IL20RB: variants seen among roughly 807,000 people sequenced by gnomAD.
IL20RB encodes the protein interleukin-20 receptor subunit beta.
Under a neutral mutation model 33.3 loss-of-function variants are expected in IL20RB, and 21 were observed. That is an observed-to-expected ratio of 0.63 (90% confidence interval 0.45 to 0.91). The LOEUF is 0.91. Among genes scored for constraint, IL20RB ranks in the 40% least tolerant of loss-of-function variants. IL20RB has a pLI of 0.00. For synonymous variants in IL20RB, 147 were observed against 146.8 expected (o/e 1.00, Z -0.01); for missense variants, 345 against 384.8 (o/e 0.90, Z 0.86).
In IL20RB at chr3:137,009,404, A is replaced by T. The variant is rs188931292; in HGVS notation, c.826-709A>T. The stretch of plus-strand genomic sequence containing the variant: ...CTGAAAGAAGATGGCGGGAACCTGA[A>T]ATATGAGCAAGGAAGGGACTCCCAT... On this transcript the variant is annotated intron_variant, in intron 6 of 6. Transcript: ENST00000329582. Among the ~76,000 whole-genome samples the T allele has an allele frequency of 1.2e-4, 19 of 152,314 alleles. 1 individual carries two copies. The East Asian group carries it at 3.5e-3, about 28-fold the overall frequency.
chr3:137,007,399 G>A (rs1168190005), intron 6 of IL20RB, among the ~76,000 whole-genome samples: 2 of 152,222 alleles, frequency 1.3e-5, no homozygotes, highest in African/African-American at 2.4e-5. Context: ...CCATAGAGGT[G>A]GAGTCTAGAG....
intron 5 of IL20RB, 71 bp from the exon 6 acceptor site, chr3:136,995,343 G>C (rs775153277): frequency 2.6e-5 from 41 of 1,562,876 alleles, no homozygotes; most frequent in Non-Finnish European, 3.2e-5. Context: ...CAGGAAACCG[G>C]GGGAGGCTCA....
chr3:136,986,537 T>C (rs1271998757), intron 3 of IL20RB, among the ~76,000 whole-genome samples: 1 of 152,206 alleles, frequency 6.6e-6, no homozygotes, highest in Non-Finnish European at 1.5e-5. Flanking sequence ...TATGTGGTCA[T>C]ATGAACCTCA....
chr3:137,009,254 G>T (rs1341251785), intron 6 of IL20RB, among the ~76,000 whole-genome samples: 1 of 152,240 alleles, frequency 6.6e-6, no homozygotes. Flanking sequence ...AGGGCCGAGA[G>T]AGATAACTGT....
intron 1 of IL20RB, among the ~76,000 whole-genome samples, chr3:136,976,265 G>T (rs768426626): frequency 4.6e-5 from 7 of 152,318 alleles, no homozygotes; most frequent in Admixed American, 1.3e-4. Flanking sequence ...TTCAATGGTG[G>T]GAGCAGGCAG....
At chr3:136,990,276 C>A (rs1490424588) in intron 4 of IL20RB, among the ~76,000 whole-genome samples, 1 of 152,088 alleles carries the variant, frequency 6.6e-6, no homozygotes, top group Non-Finnish European at 1.5e-5. Context: ...CCAGGCAGCA[C>A]AAGCAAAGAT....
At chr3:137,004,082 T>A (rs1577034484) in intron 6 of IL20RB, among the ~76,000 whole-genome samples, 1 of 152,238 alleles carries the variant, frequency 6.6e-6, no homozygotes, top group East Asian at 1.9e-4. Context: ...TTGTGTATGT[T>A]GAATCAGCCT....
At chr3:136,980,380 G>C (rs1221560435) in intron 1 of IL20RB, 86 bp from the exon 2 acceptor site, 1 of 1,540,968 alleles carries the variant, frequency 6.5e-7, no homozygotes, top group Non-Finnish European at 9.0e-7. Flanking sequence ...CCGCCAGTGA[G>C]GCCCTTCATT....
chr3:136,988,775 G>A lies in IL20RB; in HGVS notation c.407-666G>A, dbSNP rs948234259. On this transcript the variant is annotated intron_variant, in intron 3 of 6. Coordinates refer to ENST00000329582, the MANE Select transcript of IL20RB (RefSeq NM_144717.4). ...AAAAGAAACAAGAAAAAAAAAAGCC[G>A]GTGACTTGCCAGCTGAGAACTGGGC... Among the ~76,000 whole-genome samples, 4 of 151,990 alleles carry A rather than the reference G, an allele frequency of 2.6e-5. No individual in the cohort carries two copies. The East Asian group carries it at 5.8e-4, about 22-fold the overall frequency.
chr3:136,980,374 C>A, intron 1 of IL20RB, 92 bp from the exon 2 acceptor site: 1 of 1,506,460 alleles, frequency 6.6e-7, no homozygotes. Context: ...CAACCTCCGC[C>A]AGTGAGGCCC....
chr3:137,009,976 G>A (rs1933042586), intron 6 of IL20RB, 137 bp from the exon 7 acceptor site: 1 of 597,032 alleles, frequency 1.7e-6, no homozygotes, highest in Non-Finnish European at 3.0e-6. Context: ...CCCTGATCTA[G>A]GGCTTGAAAT....
At position 136,982,640 on chromosome 3, in the gene IL20RB, G is replaced by A. The variant is rs564502122; in HGVS notation, c.406+290G>A. On this transcript the variant is annotated intron_variant, in intron 3 of 6. Coordinates refer to ENST00000329582, the MANE Select transcript of IL20RB (RefSeq NM_144717.4). ...ACCTGGAAGGAAAGCTGCTCTGGAA[G>A]TGAAGAGGTGGCACCAGGACTGCTG... Among the ~76,000 whole-genome samples the A allele has an allele frequency of 1.2e-4, 18 of 152,314 alleles. No individual in the cohort carries two copies. In the South Asian group the frequency reaches 3.7e-3, roughly 32 times the overall value.
chr3:136,993,885 C>T (rs1399198465), intron 5 of IL20RB, among the ~76,000 whole-genome samples: 3 of 151,786 alleles, frequency 2.0e-5, no homozygotes, highest in South Asian at 2.1e-4. Context: ...TGGTGGTGCA[C>T]GTCTGTAATC....
Position 136,981,427 on chromosome 3 carries a change from G to A in IL20RB, c.216-733G>A, listed in dbSNP as rs1466514603. Reference sequence around the variant, plus strand: ...ATCACAGAAAGTTTATTTTTGGAAAGCACTGCTCTAGGGAATTTTGGATAG... The same window carrying A: ...ATCACAGAAAGTTTATTTTTGGAAAACACTGCTCTAGGGAATTTTGGATAG... On this transcript the variant is annotated intron_variant, in intron 2 of 6. Transcript: ENST00000329582. 2.6e-5 allele frequency among the ~76,000 whole-genome samples: 4 copies of A among 152,274 alleles called. No homozygotes were observed. In the East Asian group the frequency reaches 7.7e-4, roughly 29 times the overall value.
chr3:136,982,310 A>G lies in IL20RB; in HGVS notation c.366A>G (p.Ser122=), dbSNP rs1560070561. The change falls in exon 3 of 7, where the codon TCA becomes TCG. Residue 122 remains serine, a synonymous_variant. Transcript: ENST00000329582. ...GGGCCACATTGGGCTCACAGACCTCAGCCTGGAGCATCCTGAAGCATCCCT... is the reference window on the plus strand; with the variant it reads ...GGGCCACATTGGGCTCACAGACCTCGGCCTGGAGCATCCTGAAGCATCCCT... ...RVRATLGSQT[S]AWSILKHPFN... The G allele has an allele frequency of 1.2e-6, 2 of 1,607,300 alleles. No homozygotes were observed. Among genetic ancestry groups the G allele is most frequent in the Middle Eastern group, 1.8e-4 (1 of 5,638 alleles).
chr3:136,996,922 A>G (rs1942141056), intron 6 of IL20RB, among the ~76,000 whole-genome samples: 1 of 152,206 alleles, frequency 6.6e-6, no homozygotes, highest in South Asian at 2.1e-4. Context: ...CTTGAAGCAT[A>G]AAAGGATATG....
At chr3:136,989,607 G>A in intron 4 of IL20RB, 42 bp downstream of exon 4, 2 of 1,609,560 alleles carry the variant, frequency 1.2e-6, no homozygotes, top group Non-Finnish European at 1.7e-6. Context: ...CTTCGGGAAA[G>A]AAGGCACAGA....
intron 2 of IL20RB, among the ~76,000 whole-genome samples, chr3:136,981,730 C>G (rs1189920169): frequency 6.6e-6 from 1 of 152,152 alleles, no homozygotes; most frequent in African/African-American, 2.4e-5. Flanking sequence ...GAGAGAAGGC[C>G]AAAGCATCTT....
intron 6 of IL20RB, among the ~76,000 whole-genome samples, chr3:137,004,882 C>T (rs1245896302): frequency 6.6e-6 from 1 of 152,104 alleles, no homozygotes; most frequent in Non-Finnish European, 1.5e-5. Context: ...TAGATCTTTC[C>T]TGCTTTCTCT....
Sources: gnomAD v4.1 joint callset for allele counts (sites outside exome capture counted in the v4.1 genomes callset) on GRCh38, gnomAD v4.1.1 for gene constraint, MANE v1.5 for transcripts, NCBI Gene and HGNC (gene_info 2026-07-23, HGNC 2026-07-21) for gene names.